CCDC14: variants seen among roughly 807,000 people sequenced by gnomAD.
The protein encoded by CCDC14 is coiled-coil domain-containing protein 14.
In CCDC14, 71 loss-of-function variants were observed where a neutral mutation model predicts 81.4. The ratio of observed to expected loss-of-function variants is 0.87; its 90% CI spans 0.72 to 1.06. The LOEUF is 1.06. CCDC14 is among the 50% of genes least tolerant of loss of function. The pLI is 0.00. For missense variants in CCDC14, 1,046 were observed against 1,047.3 expected (o/e 1.00, Z 0.02); for synonymous variants, 332 against 364.8 (o/e 0.91, Z 1.03).
At chr3:123,934,270 C>CAAAAAAAAAAAAAAAAAAAAAAAAAAAAA (rs61094944) in intron 9 of CCDC14, among the ~76,000 whole-genome samples, 2 of 52,290 alleles carry the variant, frequency 3.8e-5, no homozygotes, top group African/African-American at 1.7e-4. Flanking sequence ...GACTCTGCCT[C>CAAAAAAAAAAAAAAAAAAAAAAAAAAAAA]AAAAAAAAAA....
intron 9 of CCDC14, among the ~76,000 whole-genome samples, chr3:123,944,434 A>G (rs2036522143): frequency 6.6e-6 from 1 of 152,092 alleles, no homozygotes; most frequent in African/African-American, 2.4e-5. Context: ...TGGCTTCATA[A>G]AATGGAGGCA....
At chr3:123,945,235 T>G (rs768440366) in intron 8 of CCDC14, among the ~76,000 whole-genome samples, 6 of 152,102 alleles carry the variant, frequency 3.9e-5, no homozygotes, top group African/African-American at 7.2e-5. Context: ...CACAGGATTA[T>G]TACATAAGTG....
At chr3:123,922,352 G>GAAA (rs2035094814) in intron 12 of CCDC14, among the ~76,000 whole-genome samples, 1 of 151,786 alleles carries the variant, frequency 6.6e-6, no homozygotes, top group Non-Finnish European at 1.5e-5. Context: ...GCAGAAGGAA[G>GAAA]AAATCACAAA....
At chr3:123,935,456 G>A (rs2036001524) in intron 9 of CCDC14, among the ~76,000 whole-genome samples, 1 of 152,138 alleles carries the variant, frequency 6.6e-6, no homozygotes, top group African/African-American at 2.4e-5. Flanking sequence ...CTCCCACCTT[G>A]TAGATACATA....
downstream of CCDC14, among the ~76,000 whole-genome samples, chr3:123,913,158 T>C (rs56201522): frequency 0.011 from 1,606 of 152,338 alleles, 32 homozygotes; most frequent in African/African-American, 0.037. Context: ...AATTATTGCA[T>C]GTTCCTATTT....
chr3:123,927,236 T>C (rs1321772063), intron 12 of CCDC14, among the ~76,000 whole-genome samples: 29 of 140,812 alleles, frequency 2.1e-4, no homozygotes, highest in Admixed American at 5.8e-4. Context: ...CGAGACCTCG[T>C]CTCTACTAAA....
At position 123,931,223 on chromosome 3, in the gene CCDC14, C is replaced by T; in HGVS notation, c.1657G>A (p.Ala553Thr). The change falls in exon 12 of 13, where the codon GCC becomes ACC. Residue 553 changes from alanine (A) to threonine (T), a missense_variant. Ala to Thr is a moderately conservative substitution (Grantham distance 58, BLOSUM62 0). Coordinates refer to ENST00000409697, the MANE Select transcript of CCDC14 (RefSeq NM_001366335.1). ...ITRIKIELEE[A>T]LVNVKSSQFK... ...TGGGAGCTTTTCACATTGACTAGGGCTTCCTCCAATTCTAAAACAACAAAA... is the reference window on the plus strand; with the variant it reads ...TGGGAGCTTTTCACATTGACTAGGGTTTCCTCCAATTCTAAAACAACAAAA... The T allele has an allele frequency of 6.2e-7, 1 of 1,602,544 alleles. No individual in the cohort carries two copies. The highest frequency in any genetic ancestry group is 8.5e-7 in the Non-Finnish European group (1 of 1,176,748).
At chr3:123,898,895 T>C (rs2148756179) in intron 5 of CCDC14, among the ~76,000 whole-genome samples, 1 of 150,644 alleles carries the variant, frequency 6.6e-6, no homozygotes, top group South Asian at 2.1e-4. Flanking sequence ...TTTTTTTTTT[T>C]TTTTGGTAGA....
At chr3:123,933,628 C>T (rs746274546) in intron 10 of CCDC14, 45 bp downstream of exon 10, 11 of 1,321,208 alleles carry the variant, frequency 8.3e-6, no homozygotes, top group South Asian at 2.6e-5. Flanking sequence ...TCAACATTTC[C>T]GGAGCCACAA....
Position 123,914,939 on chromosome 3 carries a change from C to T in CCDC14, c.2558G>A (p.Gly853Asp). The T allele has an allele frequency of 2.5e-6, 4 of 1,614,072 alleles. No individual in the cohort carries two copies. Among genetic ancestry groups the T allele is most frequent in the Non-Finnish European group, 3.4e-6 (4 of 1,179,896 alleles). The change falls in exon 13 of 13, where the codon GGT becomes GAT. Residue 853 changes from glycine to aspartate, a missense_variant. By Grantham distance (94) the Gly-to-Asp change is moderately conservative. Coordinates refer to ENST00000409697, the MANE Select transcript of CCDC14 (RefSeq NM_001366335.1). ...CATCAAGTCAGAAGTGAAAACACTA[C>T]CATCACAGACAGTATTGCCTTTCAC... ...LQVKGNTVCD[G>D]SVFTSDLMSD...
Position 123,956,793 on chromosome 3 carries a change from C to A in CCDC14, c.33G>T (p.Val11=). 1 of 1,527,088 alleles carries A rather than the reference C, an allele frequency of 6.5e-7. No individual in the cohort carries two copies. 94.6% of individuals were successfully genotyped at this position (1,527,088 alleles called of 1,614,324 possible). A position where few individuals can be genotyped will look rare whatever the true frequency, so the allele number is the denominator to read the frequency against. ...GTCCAGTGTGCCTTCCTGAAGATAACACCTATGACATAATATATTATAGCA... is the reference window on the plus strand; with the variant it reads ...GTCCAGTGTGCCTTCCTGAAGATAAAACCTATGACATAATATATTATAGCA... MVRSGARPGQ[V]LSSGRHTGPA... The change falls in exon 2 of 13, where the codon GTG becomes GTT. Residue 11 remains valine, a splice_region_variant and synonymous_variant. Coordinates refer to ENST00000409697, the MANE Select transcript of CCDC14 (RefSeq NM_001366335.1).
Position 123,956,122 on chromosome 3 carries a change from G to A in CCDC14, c.160-7C>T, listed in dbSNP as rs1196413578. 3.9e-6 allele frequency: 6 copies of A among 1,538,604 alleles called. No individual in the cohort carries two copies. The South Asian group carries it at 6.3e-5, about 16-fold the overall frequency. ...GCCCGTGTACAGTTTCAGCCTGTAA[G>A]AAATAAAGTCATTTAGAATACATTT... On this transcript the variant is annotated splice_region_variant and splice_polypyrimidine_tract_variant and intron_variant, in intron 3 of 12. Transcript: ENST00000409697.
chr3:123,900,431 G>A (rs2034156533), intron 5 of CCDC14, among the ~76,000 whole-genome samples: 1 of 152,154 alleles, frequency 6.6e-6, no homozygotes, highest in Non-Finnish European at 1.5e-5. Context: ...GGTCTTCCAG[G>A]ACTCCTCTGG....
intron 5 of CCDC14, among the ~76,000 whole-genome samples, chr3:123,905,392 A>C (rs1479851156): frequency 6.6e-6 from 1 of 152,178 alleles, no homozygotes; most frequent in Non-Finnish European, 1.5e-5. Context: ...GCAGAAGAGC[A>C]GTACTTAGGC....
chr3:123,934,825 A>C (rs2035969112), intron 9 of CCDC14, among the ~76,000 whole-genome samples: 1 of 152,294 alleles, frequency 6.6e-6, no homozygotes, highest in African/African-American at 2.4e-5. Context: ...CACATCACTC[A>C]CATATATTAA....
chr3:123,907,754 ATTC>A (rs978894655), intron 5 of CCDC14, among the ~76,000 whole-genome samples: 8 of 151,672 alleles, frequency 5.3e-5, no homozygotes, highest in Non-Finnish European at 8.8e-5. Flanking sequence ...TGGGTAAACC[ATTC>A]TTCTTCGAGA....
At chr3:123,922,388 T>C (rs1198627874) in intron 12 of CCDC14, among the ~76,000 whole-genome samples, 2 of 151,860 alleles carry the variant, frequency 1.3e-5, no homozygotes, top group African/African-American at 2.4e-5. Context: ...ATATATGAAA[T>C]AGAGACTAGA....
intron 12 of CCDC14, among the ~76,000 whole-genome samples, chr3:123,917,891 T>G (rs2034806348): frequency 6.9e-6 from 1 of 145,516 alleles, no homozygotes; most frequent in Admixed American, 6.6e-5. Flanking sequence ...CAAAGATATA[T>G]TAATAAATAT....
chr3:123,945,622 C>G (rs1427290644), intron 8 of CCDC14, among the ~76,000 whole-genome samples: 1 of 152,018 alleles, frequency 6.6e-6, no homozygotes, highest in Non-Finnish European at 1.5e-5. Context: ...AATTCTTTTG[C>G]CTTTTATCTT....
Sources: gnomAD v4.1 joint callset for allele counts (sites outside exome capture counted in the v4.1 genomes callset) on GRCh38, gnomAD v4.1.1 for gene constraint, MANE v1.5 for transcripts, NCBI Gene and HGNC (gene_info 2026-07-23, HGNC 2026-07-21) for gene names.